MTUS1: variants seen among roughly 807,000 people sequenced by gnomAD.
The protein encoded by MTUS1 is microtubule-associated tumor suppressor 1.
In MTUS1, 109 loss-of-function variants were observed where a neutral mutation model predicts 120.8. The observed-to-expected ratio is 0.90, with a 90% CI of 0.77 to 1.06. The LOEUF (loss-of-function observed/expected upper bound fraction) is 1.06. Among genes scored for constraint, MTUS1 ranks in the 50% least tolerant of loss-of-function variants. The pLI is 0.00. For synonymous variants in MTUS1, 737 were observed against 550.5 expected (o/e 1.34, Z -4.74); for missense variants, 2,210 against 1,486.3 (o/e 1.49, Z -8.01).
chr8:17,695,488 G>C (rs1224545690), intron 6 of MTUS1, among the ~76,000 whole-genome samples: 1 of 152,084 alleles, frequency 6.6e-6, no homozygotes, highest in East Asian at 1.9e-4. Context: ...CAAATAAACA[G>C]AAAATAGTTT....
chr8:17,698,197 T>C (rs1290448757), intron 6 of MTUS1, among the ~76,000 whole-genome samples: 1 of 152,212 alleles, frequency 6.6e-6, no homozygotes, highest in Non-Finnish European at 1.5e-5. Flanking sequence ...GTCCATCAGA[T>C]AGGCATATTC....
chr8:17,730,865 G>A (rs1231355916), intron 3 of MTUS1, among the ~76,000 whole-genome samples: 3 of 152,034 alleles, frequency 2.0e-5, no homozygotes, highest in Admixed American at 2.0e-4. Context: ...ATTTCAGGGG[G>A]GAAAACAAAG....
rs147704944 is a variant in MTUS1, at chr8:17,658,419, C to A, written c.2906-2354G>T. Among the ~76,000 whole-genome samples, 19 of 152,262 alleles carry A rather than the reference C, an allele frequency of 1.2e-4. No homozygotes were observed. In the East Asian group the frequency reaches 3.7e-3, roughly 29 times the overall value. The stretch of plus-strand genomic sequence containing the variant: ...AATATAATACATGGCAGAACACAAC[C>A]AAAGATATATGTACACACACTACAA... On this transcript the variant is annotated intron_variant, in intron 8 of 14. Coordinates refer to ENST00000693296, the MANE Select transcript of MTUS1 (RefSeq NM_001363059.2).
intron 2 of MTUS1, among the ~76,000 whole-genome samples, chr8:17,749,970 T>C (rs1293054370): frequency 5.3e-5 from 8 of 152,126 alleles, no homozygotes; most frequent in Non-Finnish European, 1.2e-4. Context: ...AAAGAACAAC[T>C]GAGCTCAATA....
chr8:17,672,903 G>A (rs566596538), intron 8 of MTUS1, among the ~76,000 whole-genome samples: 54 of 152,266 alleles, frequency 3.5e-4, no homozygotes, highest in East Asian at 9.7e-4. Flanking sequence ...CCCCAACTGC[G>A]GTTGCTTAAT....
chr8:17,679,260 G>A (rs1813768352), intron 7 of MTUS1, among the ~76,000 whole-genome samples: 1 of 151,446 alleles, frequency 6.6e-6, no homozygotes. Context: ...GACATACAAT[G>A]TATAGGTATA....
chr8:17,753,927 G>A lies in MTUS1; in HGVS notation c.1881C>T (p.Thr627=), dbSNP rs781505431. 1.4e-5 allele frequency: 23 copies of A among 1,613,974 alleles called. No homozygotes were observed. Among genetic ancestry groups the A allele is most frequent in the East Asian group, 8.9e-5 (4 of 44,894 alleles). ...KASSSNSACE[T]GSVSALFQKI... ...TCTGAAACAACGCAGAAACGGACCC[G>A]GTCTCGCATGCTGAGTTAGAAGAAC... The change falls in exon 2 of 15, where the codon ACC becomes ACT. Residue 627 remains threonine, a synonymous_variant. Coordinates refer to ENST00000693296, the MANE Select transcript of MTUS1 (RefSeq NM_001363059.2).
chr8:17,751,034 C>T (rs1409887914), intron 2 of MTUS1, among the ~76,000 whole-genome samples: 2 of 152,146 alleles, frequency 1.3e-5, no homozygotes, highest in Non-Finnish European at 2.9e-5. Context: ...AATTAACATC[C>T]GACCGGGCGC....
chr8:17,795,357 T>C (rs925385389), intron 1 of MTUS1, among the ~76,000 whole-genome samples: 8 of 152,210 alleles, frequency 5.3e-5, no homozygotes, highest in African/African-American at 1.9e-4. Context: ...TTATATTTGA[T>C]TAGTCCTCAA....
At position 17,723,667 on chromosome 8, in the gene MTUS1, C is replaced by CTTACAA. The variant is rs748160601; in HGVS notation, c.2448_2449+4dup. On this transcript the variant is annotated splice_donor_region_variant and intron_variant, in intron 4 of 14. Transcript: ENST00000693296. ...CCCCCGAAGTGTGATATAAAGTCGA[C>CTTACAA]TTACAATTGTTGCTGTAAGTGCTCA... 6.2e-7 allele frequency: 1 copy of CTTACAA among 1,608,318 alleles called. No homozygotes were observed. The highest frequency in any genetic ancestry group is 8.5e-7 in the Non-Finnish European group (1 of 1,175,474).
chr8:17,655,286 T>TA (rs35229905), intron 9 of MTUS1, among the ~76,000 whole-genome samples: 71,542 of 136,872 alleles, frequency 0.52, 19,353 homozygotes, highest in Middle Eastern at 0.66. Flanking sequence ...CAGATGCCAC[T>TA]AAAAAAAAAA....
At position 17,684,474 on chromosome 8, in the gene MTUS1, G is replaced by A. The variant is rs375889062; in HGVS notation, c.2692C>T (p.Pro898Ser). The A allele has an allele frequency of 1.5e-5, 25 of 1,614,022 alleles. No individual in the cohort carries two copies. The highest frequency in any genetic ancestry group is 1.8e-5 in the Non-Finnish European group (21 of 1,180,010). ...GTCAATTCAAGTGTTTTCTCAGGGG[G>A]CAGCGCATCGGGAGCTGTCTGTGGC... The part of the protein sequence containing the change: ...IQPQTAPDAL[P>S]PEKTLELTQY... The change falls in exon 7 of 15, where the codon CCC becomes TCC. Residue 898 changes from proline (P) to serine (S), a missense_variant. Physicochemically the swap from Pro to Ser is moderately conservative, Grantham distance 74. Coordinates refer to ENST00000693296, the MANE Select transcript of MTUS1 (RefSeq NM_001363059.2).
intron 5 of MTUS1, 43 bp from the exon 6 acceptor site, chr8:17,713,295 G>A: frequency 9.0e-7 from 1 of 1,113,722 alleles, no homozygotes; most frequent in Non-Finnish European, 1.3e-6. Context: ...TGTTTTATTT[G>A]ACATATCACA....
Position 17,653,479 on chromosome 8 carries a change from T to C in MTUS1, c.3234A>G (p.Glu1078=). The C allele has an allele frequency of 2.5e-6, 4 of 1,611,612 alleles. No individual in the cohort carries two copies. The highest frequency in any genetic ancestry group is 3.4e-6 in the Non-Finnish European group (4 of 1,178,782). Residue 1078 remains glutamate (E), a synonymous_variant, in exon 11 of 15, where the codon GAA becomes GAG. Transcript: ENST00000693296. ...AATCTTCAAGCGATTTCTTTTCTAT[T>C]TCATGGCCTTTCTTAATTTCTGGGA... ...ASLSEIKKGH[E]IEKKSLEDLL... is the part of the protein sequence containing the mutation.
Position 17,748,607 on chromosome 8 carries a change from C to T in MTUS1, c.2092-4808G>A, listed in dbSNP as rs190106147. ...CCCTCTGGGGCTTTAGGGTCACAGA[C>T]ACCACCACCTGGGCACCACTGTGGG... is the stretch of plus-strand genomic sequence containing the variant. On this transcript the variant is annotated intron_variant, in intron 2 of 14. Coordinates refer to ENST00000693296, the MANE Select transcript of MTUS1 (RefSeq NM_001363059.2). 9.2e-5 allele frequency among the ~76,000 whole-genome samples: 14 copies of T among 152,308 alleles called. No homozygotes were observed. In the East Asian group the frequency reaches 2.7e-3, roughly 30 times the overall value.
chr8:17,755,205 A>T lies in MTUS1; in HGVS notation c.603T>A (p.Ser201=). 2 of 1,614,220 alleles carry T rather than the reference A, an allele frequency of 1.2e-6. No homozygotes were observed. The highest frequency in any genetic ancestry group is 8.5e-7 in the Non-Finnish European group (1 of 1,180,024). The change falls in exon 2 of 15, where the codon TCT becomes TCA. Residue 201 remains serine, a synonymous_variant. Coordinates refer to ENST00000693296, the MANE Select transcript of MTUS1 (RefSeq NM_001363059.2). ...PPTGRRSGST[S]SLSYSTWTSS... is the part of the protein sequence containing the mutation. ...ATGTCCAAGTGGAATAGGATAAAGA[A>T]GATGTACTTCCACTTCTCCTACCAG...
chr8:17,650,924 G>C (rs1013853631), intron 12 of MTUS1, among the ~76,000 whole-genome samples: 2 of 152,142 alleles, frequency 1.3e-5, no homozygotes, highest in South Asian at 4.1e-4. Flanking sequence ...TCGGTGGTGT[G>C]GTCATCAAGC....
intron 6 of MTUS1, among the ~76,000 whole-genome samples, chr8:17,700,889 T>C (rs889492704): frequency 8.7e-6 from 1 of 114,880 alleles, no homozygotes; most frequent in African/African-American, 3.2e-5. Flanking sequence ...TGTTGTAATA[T>C]CACAGTATAT....
At chr8:17,780,663 A>C (rs2050808012) in intron 1 of MTUS1, among the ~76,000 whole-genome samples, 1 of 152,188 alleles carries the variant, frequency 6.6e-6, no homozygotes, top group Non-Finnish European at 1.5e-5. Flanking sequence ...TCCCAGGTCC[A>C]AGCCACCACT....
Sources: allele counts gnomAD v4.1 joint callset (sites outside exome capture counted in the v4.1 genomes callset), GRCh38; gene constraint gnomAD v4.1.1; transcripts MANE v1.5; gene names NCBI Gene and HGNC (gene_info 2026-07-23, HGNC 2026-07-21).